Variants in SMIM26 observed in about 807,000 individuals in gnomAD.
The protein encoded by SMIM26 is small integral membrane protein 26, also known as long intergenic non-protein coding RNA 493.
SMIM26 carries 2 observed loss-of-function variants against 2.5 expected under a neutral mutation model. The observed-to-expected ratio is 0.80, with a 90% CI of 0.33 to 2.53. SMIM26 has a LOEUF of 2.53. Ranked by LOEUF, SMIM26 falls within the 30% of genes most tolerant of loss-of-function variation. SMIM26 has a pLI of 0.11. For missense variants in SMIM26, 77 were observed against 46.1 expected (o/e 1.67, Z -1.94); for synonymous variants, 32 against 17.8 (o/e 1.80, Z -2.01).
rs538574877 is a variant in SMIM26 at position 18,567,675 on chromosome 20, C to A, written c.118+79C>A. ...CCCCGGGGGTCATGGAAACAACTTC[C>A]CTGTCCTTTAAATCCCAGGTTTATT... On this transcript the variant is annotated intron_variant, in intron 1 of 1. Coordinates refer to ENST00000411646, the MANE Select transcript of SMIM26 (RefSeq NM_001348957.2). 2.5e-5 allele frequency: 17 copies of A among 690,206 alleles called. No homozygotes were observed. The East Asian group carries it at 4.3e-4, about 18-fold the overall frequency. The allele number at this position is 690,206 out of a possible 1,614,324, so 42.8% of individuals were successfully genotyped here. A position where few individuals can be genotyped will look rare whatever the true frequency, so the allele number is the denominator to read the frequency against.
At chr20:18,567,721 G>T in intron 1 of SMIM26, 125 bp downstream of exon 1, 1 of 641,846 alleles carries the variant, frequency 1.6e-6, no homozygotes, top group Non-Finnish European at 2.8e-6. Flanking sequence ...AATTGAAACG[G>T]GTGCTAACAG....
At position 18,567,440 on chromosome 20, in the gene SMIM26, C is replaced by T; in HGVS notation, c.-39C>T. The stretch of plus-strand genomic sequence containing the variant: ...CCCTCACCGGAAGTCCCGCCTCTGC[C>T]GTGGGCCTGCGAGAATCGAGGCACT... On this transcript the variant is annotated 5_prime_UTR_variant, in exon 1 of 2. Transcript: ENST00000411646. The T allele has an allele frequency of 1.4e-6, 1 of 702,728 alleles. No homozygotes were observed. Among genetic ancestry groups the T allele is most frequent in the Non-Finnish European group, 2.6e-6 (1 of 384,790 alleles). The allele number at this position is 702,728 out of a possible 1,614,324, so 43.5% of individuals were successfully genotyped here. A position where few individuals can be genotyped will look rare whatever the true frequency, so the allele number is the denominator to read the frequency against.
At position 18,567,470 on chromosome 20, in the gene SMIM26, G is replaced by A. The variant is rs746279580; in HGVS notation, c.-9G>A. 1.2e-4 allele frequency: 84 copies of A among 702,950 alleles called. No homozygotes were observed. Among genetic ancestry groups the A allele is most frequent in the South Asian group, 7.2e-4 (49 of 67,608 alleles). 43.5% of individuals were successfully genotyped at this position (702,950 alleles called of 1,614,324 possible). ...GCCTGCGAGAATCGAGGCACTCGCT[G>A]GCGTACCCATGTATCGAAATGAGTT... On this transcript the variant is annotated 5_prime_UTR_variant, in exon 1 of 2. Coordinates refer to ENST00000411646, the MANE Select transcript of SMIM26 (RefSeq NM_001348957.2).
In SMIM26 at chr20:18,569,261, T is replaced by C. The variant is rs1199576905; in HGVS notation, c.144T>C (p.Ser48=). 1 of 701,738 alleles carries C rather than the reference T, an allele frequency of 1.4e-6. No homozygotes were observed. The highest frequency in any genetic ancestry group is 2.6e-6 in the Non-Finnish European group (1 of 384,600). The allele number at this position is 701,738 out of a possible 1,614,324, so 43.5% of individuals were successfully genotyped here. ...TAGACCAAAAGGATGGCTCAGCAAG[T>C]GAAGTACCCAGTGAACTCTCTGAAC... is the stretch of plus-strand genomic sequence containing the variant. ...SSVDQKDGSA[S]EVPSELSERP... Residue 48 remains serine (S), a synonymous_variant, in exon 2 of 2, where the codon AGT becomes AGC. Transcript: ENST00000411646.
Position 18,569,542 on chromosome 20 carries a change from A to T in SMIM26, c.*137A>T. The T allele has an allele frequency of 1.6e-6, 1 of 644,254 alleles. No individual in the cohort carries two copies. The highest frequency in any genetic ancestry group is 2.8e-6 in the Non-Finnish European group (1 of 361,446). 39.9% of individuals were successfully genotyped at this position (644,254 alleles called of 1,614,324 possible). On this transcript the variant is annotated 3_prime_UTR_variant, in exon 2 of 2. Transcript: ENST00000411646. ...ACATAATCACTAATAATATGCAATAAATATTTTCTTGAAGGAAACTATCTG... is the reference window on the plus strand; with the variant it reads ...ACATAATCACTAATAATATGCAATATATATTTTCTTGAAGGAAACTATCTG...
At chr20:18,569,568 CGTTTTCT>C (rs1404544564), downstream of SMIM26, 6 of 523,994 alleles carry the variant, frequency 1.1e-5, no homozygotes, top group Non-Finnish European at 2.0e-5. Flanking sequence ...AAACTATCTG[CGTTTTCT>C]TTTTTTTTTT....
intron 1 of SMIM26, among the ~76,000 whole-genome samples, chr20:18,568,359 T>C (rs1304726922): frequency 6.6e-6 from 1 of 152,140 alleles, no homozygotes; most frequent in Non-Finnish European, 1.5e-5. Context: ...TAAAAACATT[T>C]TGGCCGGGTG....
rs1223922874 is a variant in SMIM26, at chr20:18,569,252, C to T, written c.135C>T (p.Gly45=). 4.3e-6 allele frequency: 3 copies of T among 698,912 alleles called. No individual in the cohort carries two copies. Among genetic ancestry groups the T allele is most frequent in the South Asian group, 3.0e-5 (2 of 67,396 alleles). 43.3% of individuals were successfully genotyped at this position (698,912 alleles called of 1,614,324 possible). ...MAKSSVDQKD[G]SASEVPSELS... is the part of the protein sequence containing the mutation. ...GTGATAAAGTAGACCAAAAGGATGG[C>T]TCAGCAAGTGAAGTACCCAGTGAAC... is the stretch of plus-strand genomic sequence containing the variant. Residue 45 remains glycine, a synonymous_variant, in exon 2 of 2, where the codon GGC becomes GGT. Coordinates refer to ENST00000411646, the MANE Select transcript of SMIM26 (RefSeq NM_001348957.2).
chr20:18,567,864 A>G (rs1568632162), intron 1 of SMIM26, among the ~76,000 whole-genome samples: 1 of 152,228 alleles, frequency 6.6e-6, no homozygotes, highest in African/African-American at 2.4e-5. Flanking sequence ...GAATCTGTGT[A>G]AAGTGCAAGG....
chr20:18,567,499 G>T lies in SMIM26; in HGVS notation c.21G>T (p.Thr7=), dbSNP rs1292757869. The change falls in exon 1 of 2, where the codon ACG becomes ACT. Residue 7 remains threonine, a synonymous_variant. Coordinates refer to ENST00000411646, the MANE Select transcript of SMIM26 (RefSeq NM_001348957.2). MYRNEF[T]AWYRRMSVVY... ...TACCCATGTATCGAAATGAGTTCAC[G>T]GCCTGGTACCGGCGGATGTCGGTGG... is the stretch of plus-strand genomic sequence containing the variant. 1.4e-6 allele frequency: 1 copy of T among 703,078 alleles called. No homozygotes were observed. Among genetic ancestry groups the T allele is most frequent in the Non-Finnish European group, 2.6e-6 (1 of 385,018 alleles). The allele number at this position is 703,078 out of a possible 1,614,324, so 43.6% of individuals were successfully genotyped here. A position where few individuals can be genotyped will look rare whatever the true frequency, so the allele number is the denominator to read the frequency against.
At chr20:18,568,487 AAAAG>A (rs2060521698) in intron 1 of SMIM26, 1 of 151,744 alleles carries the variant, frequency 6.6e-6, no homozygotes, top group Non-Finnish European at 1.5e-5. Flanking sequence ...TACCAAAAGA[AAAAG>A]AAATTTTTAT....
intron 1 of SMIM26, 35 bp from the exon 2 acceptor site, chr20:18,569,201 G>A (rs1197439745): frequency 6.7e-6 from 4 of 599,660 alleles, no homozygotes; most frequent in Non-Finnish European, 8.7e-6. Context: ...TAATTCAGGT[G>A]TTCTTTTTTT....
chr20:18,569,586 T>A, downstream of SMIM26: 1 of 557,830 alleles, frequency 1.8e-6, no homozygotes, highest in Non-Finnish European at 3.2e-6. Flanking sequence ...TTTTTTTTTT[T>A]TTTTTTGAGA....
At chr20:18,569,060 G>C (rs1283743074) in intron 1 of SMIM26, 176 bp from the exon 2 acceptor site, 2 of 523,872 alleles carry the variant, frequency 3.8e-6, no homozygotes, top group African/African-American at 3.8e-5. Context: ...GATTACAGGC[G>C]TGAGCCACCG....
chr20:18,568,986 G>A (rs2060523191), intron 1 of SMIM26: 1 of 357,970 alleles, frequency 2.8e-6, no homozygotes, highest in Non-Finnish European at 5.0e-6. Context: ...ACGTTGGCGA[G>A]GCTGGTCTCA....
In SMIM26 at chr20:18,569,034, C is replaced by G. The variant is rs557428222; in HGVS notation, c.119-202C>G. 1.3e-5 allele frequency: 6 copies of G among 467,034 alleles called. No homozygotes were observed. In the South Asian group the frequency reaches 2.0e-4, roughly 16 times the overall value. The allele number at this position is 467,034 out of a possible 1,614,324, so 28.9% of individuals were successfully genotyped here. ...CAGGTGGTCCACCTGCCTCGGCCCC[C>G]ACAAAGTGAGATTGGGATTACAGGC... is the stretch of plus-strand genomic sequence containing the variant. On this transcript the variant is annotated intron_variant, in intron 1 of 1. Coordinates refer to ENST00000411646, the MANE Select transcript of SMIM26 (RefSeq NM_001348957.2).
intron 1 of SMIM26, chr20:18,568,961 A>G: frequency 1.4e-5 from 4 of 287,248 alleles, no homozygotes; most frequent in Non-Finnish European, 2.0e-5. Context: ...TTTTTAGTAG[A>G]GATGGGGTTT....
chr20:18,568,059 G>A (rs1021551684), intron 1 of SMIM26, among the ~76,000 whole-genome samples: 5 of 152,186 alleles, frequency 3.3e-5, no homozygotes, highest in African/African-American at 1.2e-4. Flanking sequence ...AATCTGTAGA[G>A]ACATTAAGTT....
rs1438837839 is a variant in SMIM26 at position 18,567,537 on chromosome 20, G to A, written c.59G>A (p.Gly20Asp). The A allele has an allele frequency of 1.4e-6, 1 of 702,998 alleles. No individual in the cohort carries two copies. Among genetic ancestry groups the A allele is most frequent in the Admixed American group, 2.0e-5 (1 of 50,014 alleles). The allele number at this position is 702,998 out of a possible 1,614,324, so 43.5% of individuals were successfully genotyped here. The change falls in exon 1 of 2, where the codon GGC becomes GAC. Residue 20 changes from glycine to aspartate, a missense_variant. Gly to Asp is a moderately conservative substitution (Grantham distance 94, BLOSUM62 -1). Coordinates refer to ENST00000411646, the MANE Select transcript of SMIM26 (RefSeq NM_001348957.2). ...YRRMSVVYGI[G>D]TWSVLGSLLY... ...CGGATGTCGGTGGTCTACGGGATCG[G>A]CACCTGGTCTGTGTTGGGCTCACTG...
Sources: allele counts gnomAD v4.1 joint callset (sites outside exome capture counted in the v4.1 genomes callset), GRCh38; gene constraint gnomAD v4.1.1; transcripts MANE v1.5; gene names NCBI Gene and HGNC (gene_info 2026-07-23, HGNC 2026-07-21).